Variants in KIAA1549L observed in about 807,000 individuals in gnomAD.
The protein encoded by KIAA1549L is UPF0606 protein KIAA1549L.
Under a neutral mutation model 160.7 loss-of-function variants are expected in KIAA1549L, and 88 were observed. The observed-to-expected ratio is 0.55, with a 90% CI of 0.46 to 0.65. KIAA1549L has a LOEUF of 0.65. Among genes scored for constraint, KIAA1549L ranks in the 30% least tolerant of loss-of-function variants. The probability of loss-of-function intolerance (pLI) is 0.00; values close to 1 mark genes in which losing one functional copy is unlikely to be tolerated. For synonymous variants in KIAA1549L, 950 were observed against 976.7 expected (o/e 0.97, Z 0.51); for missense variants, 2,258 against 2,437.5 (o/e 0.93, Z 1.55).
intron 1 of KIAA1549L, among the ~76,000 whole-genome samples, chr11:33,389,725 C>A (rs1378847958): frequency 6.6e-6 from 1 of 152,148 alleles, no homozygotes; most frequent in African/African-American, 2.4e-5. Flanking sequence ...TTTTCTTTTC[C>A]CTGCAGAGAC....
At chr11:33,629,513 C>T (rs1185825696) in intron 16 of KIAA1549L, among the ~76,000 whole-genome samples, 1 of 151,768 alleles carries the variant, frequency 6.6e-6, no homozygotes, top group East Asian at 1.9e-4. Flanking sequence ...CTCTAAACTT[C>T]CCTTCTCGCT....
rs373127794 is a variant in KIAA1549L at position 33,574,792 on chromosome 11, G to A, written c.4321G>A (p.Ala1441Thr). The part of the protein sequence containing the change: ...LYNGKPLLGT[A>T]AAKILSTIDS... ...CAACGGGAAGCCTTTGTTGGGGACC[G>A]CAGCTGCCAAGATCCTGAGCACCAT... is the stretch of plus-strand genomic sequence containing the variant. Residue 1441 changes from alanine (A) to threonine (T), a missense_variant, in exon 10 of 21, where the codon GCA (alanine) becomes ACA (threonine). Physicochemically the swap from Ala to Thr is moderately conservative, Grantham distance 58. This residue lies in a region of KIAA1549L where 1,359 missense variants were observed against 1,546.6 expected (regional missense o/e 0.88). Coordinates refer to ENST00000658780, the MANE Select transcript of KIAA1549L (RefSeq NM_012194.3). 27 of 1,613,854 alleles carry A rather than the reference G, an allele frequency of 1.7e-5. No homozygotes were observed. Among genetic ancestry groups the A allele is most frequent in the African/African-American group, 6.7e-5 (5 of 74,940 alleles).
intron 15 of KIAA1549L, among the ~76,000 whole-genome samples, chr11:33,614,773 C>A (rs1252099805): frequency 6.7e-6 from 1 of 148,474 alleles, no homozygotes; most frequent in African/African-American, 2.5e-5. Flanking sequence ...CCACCACGCC[C>A]AGCTAATTTT....
chr11:33,380,026 A>G (rs979790905), intron 1 of KIAA1549L, among the ~76,000 whole-genome samples: 2 of 152,162 alleles, frequency 1.3e-5, no homozygotes, highest in African/African-American at 4.8e-5. Context: ...GCCTTGAAGG[A>G]TGAGGTGGGG....
At chr11:33,426,051 C>A (rs1487751505) in intron 1 of KIAA1549L, among the ~76,000 whole-genome samples, 1 of 152,144 alleles carries the variant, frequency 6.6e-6, no homozygotes, top group Non-Finnish European at 1.5e-5. Flanking sequence ...GAACTAAATG[C>A]AATGTGGGAC....
intron 1 of KIAA1549L, among the ~76,000 whole-genome samples, chr11:33,381,052 A>G (rs1478092079): frequency 6.6e-6 from 1 of 151,934 alleles, no homozygotes; most frequent in African/African-American, 2.4e-5. Flanking sequence ...GTTACCTCAG[A>G]ATATTGAGCC....
intron 1 of KIAA1549L, among the ~76,000 whole-genome samples, chr11:33,389,797 AT>A (rs1289160761): frequency 6.6e-6 from 1 of 152,116 alleles, no homozygotes; most frequent in Non-Finnish European, 1.5e-5. Context: ...TTCTTTTCCT[AT>A]TTGAATCTCA....
chr11:33,606,562 T>G, intron 13 of KIAA1549L, 79 bp from the exon 14 acceptor site: 5 of 1,415,004 alleles, frequency 3.5e-6, no homozygotes, highest in Non-Finnish European at 4.9e-6. Context: ...GTCCTTAGGC[T>G]GTGAGTCTAA....
chr11:33,610,687 A>G (rs1850625718), intron 15 of KIAA1549L, among the ~76,000 whole-genome samples: 1 of 152,238 alleles, frequency 6.6e-6, no homozygotes, highest in South Asian at 2.1e-4. Flanking sequence ...GTAACGATCT[A>G]AAAGGGAGTC....
chr11:33,623,141 C>T (rs1644857890), intron 16 of KIAA1549L, among the ~76,000 whole-genome samples: 2 of 152,290 alleles, frequency 1.3e-5, no homozygotes, highest in South Asian at 2.1e-4. Flanking sequence ...CCACACCTGC[C>T]CCAGCACCTT....
intron 1 of KIAA1549L, among the ~76,000 whole-genome samples, chr11:33,438,919 T>G (rs187565804): frequency 6.6e-6 from 1 of 151,166 alleles, no homozygotes; most frequent in East Asian, 1.9e-4. Flanking sequence ...CCAAGTAAAC[T>G]GAATTTATTT....
At chr11:33,403,321 ACACGGACACACACATGCAGACACG>A (rs1850564458) in intron 1 of KIAA1549L, 1 of 148,450 alleles carries the variant, frequency 6.7e-6, no homozygotes, top group African/African-American at 2.6e-5. Context: ...ACACAGACAC[ACACGGACACACACATGCAGACACG>A]CAGACAGACA....
intron 1 of KIAA1549L, among the ~76,000 whole-genome samples, chr11:33,458,413 A>G (rs1387040927): frequency 6.6e-6 from 1 of 152,264 alleles, no homozygotes; most frequent in Non-Finnish European, 1.5e-5. Flanking sequence ...GGGTGACTGG[A>G]TAGCTTCAAG....
At chr11:33,414,606 C>T (rs574953407) in intron 1 of KIAA1549L, among the ~76,000 whole-genome samples, 2 of 152,234 alleles carry the variant, frequency 1.3e-5, no homozygotes, top group African/African-American at 4.8e-5. Flanking sequence ...TATATATGGG[C>T]AATGTAGCAG....
chr11:33,572,006 A>G (rs1234599613), intron 9 of KIAA1549L, among the ~76,000 whole-genome samples: 1 of 152,018 alleles, frequency 6.6e-6, no homozygotes, highest in Admixed American at 6.6e-5. Context: ...GTTTTTAAGT[A>G]ATATCTATAT....
chr11:33,568,304 A>T, intron 9 of KIAA1549L, 77 bp downstream of exon 9: 1 of 1,415,902 alleles, frequency 7.1e-7, no homozygotes, highest in Non-Finnish European at 9.6e-7. Context: ...AGACTAAATA[A>T]GTCAGTGTGC....
chr11:33,506,453 C>T (rs767797152), intron 1 of KIAA1549L, among the ~76,000 whole-genome samples: 2 of 152,116 alleles, frequency 1.3e-5, no homozygotes, highest in Non-Finnish European at 2.9e-5. Context: ...GGGCCAGGTG[C>T]GGTGGCTCAC....
chr11:33,556,958 C>T (rs918933788), intron 6 of KIAA1549L, among the ~76,000 whole-genome samples: 1 of 151,868 alleles, frequency 6.6e-6, no homozygotes, highest in African/African-American at 2.4e-5. Context: ...ACTTTGTAGG[C>T]TTCCTCGGGC....
intron 7 of KIAA1549L, among the ~76,000 whole-genome samples, chr11:33,561,001 C>T (rs908685442): frequency 2.6e-5 from 4 of 152,154 alleles, no homozygotes; most frequent in Admixed American, 2.6e-4. Context: ...CTGAAAACAA[C>T]TACGATTTAT....
Sources: allele counts gnomAD v4.1 joint callset (sites outside exome capture counted in the v4.1 genomes callset), GRCh38; gene constraint gnomAD v4.1.1; regional missense constraint gnomAD v4.1.1; transcripts MANE v1.5; gene names NCBI Gene and HGNC (gene_info 2026-07-23, HGNC 2026-07-21).